FNBP1L: variants seen among roughly 807,000 people sequenced by gnomAD.
FNBP1L encodes formin-binding protein 1-like.
Under a neutral mutation model 91.2 loss-of-function variants are expected in FNBP1L, and 36 were observed. The observed-to-expected ratio is 0.39, with a 90% CI of 0.30 to 0.52. The LOEUF is 0.52. FNBP1L is among the 20% of genes least tolerant of loss of function. The pLI, the probability that FNBP1L is intolerant of heterozygous loss-of-function variation, is 0.66. For synonymous variants in FNBP1L, 242 were observed against 237.0 expected, an observed-to-expected ratio of 1.02 and a Z score of -0.19; for missense variants, 571 against 732.1, an observed-to-expected ratio of 0.78 and a Z score of 2.54.
At chr1:93,476,075 C>T (rs969448683) in intron 1 of FNBP1L, among the ~76,000 whole-genome samples, 5 of 152,180 alleles carry the variant, frequency 3.3e-5, no homozygotes, top group African/African-American at 1.2e-4. Flanking sequence ...AATGTTTATA[C>T]CTCCAATTTC....
chr1:93,478,334 T>A lies in FNBP1L; in HGVS notation c.25-21134T>A, dbSNP rs529436572. Among the ~76,000 whole-genome samples the A allele has an allele frequency of 2.6e-5, 4 of 152,234 alleles. No individual in the cohort carries two copies. The East Asian group carries it at 7.7e-4, about 29-fold the overall frequency. ...AGAGAGAGAGAGGACAGCCTCCATG[T>A]GAGAGGATGGCAGACTCAGTGTAGG... On this transcript the variant is annotated intron_variant, in intron 1 of 16. Coordinates refer to ENST00000271234, the MANE Select transcript of FNBP1L (RefSeq NM_001164473.3).
At chr1:93,515,921 A>T (rs1671087100) in intron 2 of FNBP1L, among the ~76,000 whole-genome samples, 1 of 152,130 alleles carries the variant, frequency 6.6e-6, no homozygotes, top group Non-Finnish European at 1.5e-5. Flanking sequence ...TAATAATAAT[A>T]ATAAAAAGAG....
intron 1 of FNBP1L, among the ~76,000 whole-genome samples, chr1:93,475,696 CAATT>C (rs1669470697): frequency 1.3e-5 from 2 of 152,102 alleles, no homozygotes; most frequent in African/African-American, 2.4e-5. Flanking sequence ...ACATAAAAAT[CAATT>C]AACATAACTT....
At chr1:93,539,415 A>G (rs1557817969) in intron 10 of FNBP1L, among the ~76,000 whole-genome samples, 1 of 151,906 alleles carries the variant, frequency 6.6e-6, no homozygotes. Context: ...CACAGAACAT[A>G]TGTCTAATAT....
chr1:93,498,293 T>A (rs997972641), intron 1 of FNBP1L, among the ~76,000 whole-genome samples: 1 of 152,198 alleles, frequency 6.6e-6, no homozygotes, highest in African/African-American at 2.4e-5. Flanking sequence ...GTTTTTGGAA[T>A]TGTTTTTCAT....
At chr1:93,482,618 C>T (rs985764319) in intron 1 of FNBP1L, among the ~76,000 whole-genome samples, 1 of 152,118 alleles carries the variant, frequency 6.6e-6, no homozygotes, top group Non-Finnish European at 1.5e-5. Flanking sequence ...GCAGGCCAGA[C>T]ACAGTGGCTC....
chr1:93,479,521 G>T (rs886965618), intron 1 of FNBP1L, among the ~76,000 whole-genome samples: 2 of 152,038 alleles, frequency 1.3e-5, no homozygotes, highest in African/African-American at 2.4e-5. Flanking sequence ...AGGAGACCAG[G>T]GCGTATTTCA....
intron 2 of FNBP1L, among the ~76,000 whole-genome samples, chr1:93,515,414 G>A (rs1235166207): frequency 6.6e-6 from 1 of 151,436 alleles, no homozygotes; most frequent in East Asian, 1.9e-4. Context: ...CCCATTACTG[G>A]GTATATACCC....
At chr1:93,496,591 A>T (rs1184769566) in intron 1 of FNBP1L, among the ~76,000 whole-genome samples, 1 of 151,818 alleles carries the variant, frequency 6.6e-6, no homozygotes. Flanking sequence ...TTTGTTAGAG[A>T]TTGGGTCTTA....
At chr1:93,448,336 A>G in intron 1 of FNBP1L, 31 bp downstream of exon 1, 1 of 1,483,798 alleles carries the variant, frequency 6.7e-7, no homozygotes, top group African/African-American at 1.5e-5. Flanking sequence ...CCCCGCACGG[A>G]CCCCGGCCCC....
intron 2 of FNBP1L, among the ~76,000 whole-genome samples, chr1:93,500,308 AT>A (rs910011372): frequency 1.3e-5 from 2 of 152,162 alleles, no homozygotes; most frequent in African/African-American, 4.8e-5. Flanking sequence ...TTCAGGCCCC[AT>A]TTCTTGGCTG....
intron 2 of FNBP1L, among the ~76,000 whole-genome samples, chr1:93,519,619 T>C (rs1157137604): frequency 1.3e-5 from 2 of 152,208 alleles, no homozygotes; most frequent in African/African-American, 4.8e-5. Context: ...TTGTAAATTA[T>C]GTACATGTAT....
chr1:93,524,387 T>G, intron 5 of FNBP1L, 64 bp downstream of exon 5: 2 of 1,157,844 alleles, frequency 1.7e-6, no homozygotes, highest in Non-Finnish European at 2.4e-6. Context: ...CTAAATACTT[T>G]TATGCTTCAT....
Position 93,454,009 on chromosome 1 carries a change from A to G in FNBP1L, c.24+5704A>G, listed in dbSNP as rs1485451866. Among the ~76,000 whole-genome samples, 4 of 152,306 alleles carry G rather than the reference A, an allele frequency of 2.6e-5. No individual in the cohort carries two copies. The East Asian group carries it at 7.7e-4, about 29-fold the overall frequency. On this transcript the variant is annotated intron_variant, in intron 1 of 16. Coordinates refer to ENST00000271234, the MANE Select transcript of FNBP1L (RefSeq NM_001164473.3). ...GTATCACAGGAAAATCTTTAGGAAGACTGTCATTTGACCTAGGTTTTGGAA... is the reference window on the plus strand; with the variant it reads ...GTATCACAGGAAAATCTTTAGGAAGGCTGTCATTTGACCTAGGTTTTGGAA...
At chr1:93,497,525 A>G (rs1670305825) in intron 1 of FNBP1L, among the ~76,000 whole-genome samples, 1 of 152,196 alleles carries the variant, frequency 6.6e-6, no homozygotes, top group Admixed American at 6.5e-5. Context: ...TTTAGAACCA[A>G]TACCTTCAGA....
At chr1:93,450,782 G>A (rs1557769811) in intron 1 of FNBP1L, among the ~76,000 whole-genome samples, 1 of 152,184 alleles carries the variant, frequency 6.6e-6, no homozygotes, top group Non-Finnish European at 1.5e-5. Context: ...AAAATGATAT[G>A]TAGCCATGCA....
chr1:93,521,072 C>T (rs1671307128), intron 2 of FNBP1L, among the ~76,000 whole-genome samples: 1 of 151,884 alleles, frequency 6.6e-6, no homozygotes, highest in Non-Finnish European at 1.5e-5. Context: ...AACCAACCAA[C>T]CAACCAACCA....
At chr1:93,507,031 A>G (rs1309281242) in intron 2 of FNBP1L, among the ~76,000 whole-genome samples, 2 of 144,036 alleles carry the variant, frequency 1.4e-5, no homozygotes, top group Non-Finnish European at 3.0e-5. Context: ...GAGTGCATGA[A>G]GCCAAAGTAC....
At chr1:93,492,832 A>G (rs375296195) in intron 1 of FNBP1L, among the ~76,000 whole-genome samples, 1 of 152,180 alleles carries the variant, frequency 6.6e-6, no homozygotes, top group African/African-American at 2.4e-5. Context: ...TGGATTAAAT[A>G]TAATATTTTA....
Sources: gnomAD v4.1 joint callset for allele counts (sites outside exome capture counted in the v4.1 genomes callset) on GRCh38, gnomAD v4.1.1 for gene constraint, MANE v1.5 for transcripts, NCBI Gene and HGNC (gene_info 2026-07-23, HGNC 2026-07-21) for gene names.